Variants in ELMO1 observed in about 807,000 individuals in gnomAD.
ELMO1 encodes the protein engulfment and cell motility protein 1.
Under a neutral mutation model 98.9 loss-of-function variants are expected in ELMO1, and 26 were observed. The observed-to-expected ratio is 0.26, with a 90% CI of 0.19 to 0.36. ELMO1 has a LOEUF of 0.36. Ranked by LOEUF, ELMO1 falls within the 10% of genes least tolerant of loss-of-function variation. The pLI, the probability that ELMO1 is intolerant of heterozygous loss-of-function variation, is 1.00. For synonymous variants in ELMO1, 346 were observed against 346.0 expected, an observed-to-expected ratio of 1.00 and a Z score of 0.00; for missense variants, 627 against 935.2, an observed-to-expected ratio of 0.67 and a Z score of 4.30.
intron 4 of ELMO1, among the ~76,000 whole-genome samples, chr7:37,308,910 G>A (rs1251922233): frequency 6.6e-6 from 1 of 152,128 alleles, no homozygotes; most frequent in African/African-American, 2.4e-5. Context: ...AAATAATTGG[G>A]TAGCAAGACA....
chr7:37,018,029 A>G (rs1329626419), intron 15 of ELMO1, among the ~76,000 whole-genome samples: 2 of 152,202 alleles, frequency 1.3e-5, no homozygotes, highest in Non-Finnish European at 2.9e-5. Context: ...ATATAACTAC[A>G]TAAAGTCCGT....
Position 37,233,089 on chromosome 7 carries a change from C to T in ELMO1, c.549+6G>A. 1 of 1,612,270 alleles carries T rather than the reference C, an allele frequency of 6.2e-7. No individual in the cohort carries two copies. The highest frequency in any genetic ancestry group is 1.1e-5 in the South Asian group (1 of 90,928). On this transcript the variant is annotated splice_donor_region_variant and intron_variant, in intron 8 of 21. Coordinates refer to ENST00000310758, the MANE Select transcript of ELMO1 (RefSeq NM_014800.11). ...GGAAAGCCTAAAGAGGCAGAGTCCA[C>T]CTTACCTTCTTAATGAACGCCACCG...
intron 1 of ELMO1, among the ~76,000 whole-genome samples, chr7:37,391,367 C>T (rs1290447518): frequency 2.0e-5 from 3 of 152,132 alleles, no homozygotes; most frequent in Admixed American, 1.3e-4. Context: ...TCTGCCACCC[C>T]GGCCCCCCGA....
At position 36,853,966 on chromosome 7, in the gene ELMO1, T is replaced by C. The variant is rs1002431939; in HGVS notation, c.*1585A>G. On this transcript the variant is annotated 3_prime_UTR_variant, in exon 22 of 22. Transcript: ENST00000310758. Reference sequence around the variant, plus strand: ...GGTCTGTGGGTATGCATTCTTTTCATTGCTAAATGTGCTCCCTCAAAGTTG... The same window carrying C: ...GGTCTGTGGGTATGCATTCTTTTCACTGCTAAATGTGCTCCCTCAAAGTTG... Among the ~76,000 whole-genome samples the C allele has an allele frequency of 2.6e-5, 4 of 152,228 alleles. No individual in the cohort carries two copies. The highest frequency in any genetic ancestry group is 7.2e-5 in the African/African-American group (3 of 41,460).
intron 16 of ELMO1, among the ~76,000 whole-genome samples, chr7:36,961,870 AT>A (rs1287635183): frequency 1.3e-5 from 2 of 152,214 alleles, no homozygotes; most frequent in African/African-American, 4.8e-5. Flanking sequence ...TGTAAATAGT[AT>A]TGTCCCAGAG....
At chr7:37,339,656 AAAC>A (rs1800612041) in intron 2 of ELMO1, among the ~76,000 whole-genome samples, 1 of 152,172 alleles carries the variant, frequency 6.6e-6, no homozygotes, top group Non-Finnish European at 1.5e-5. Flanking sequence ...TTCAATCAAG[AAAC>A]AACATCTGAC....
At chr7:36,921,061 C>A (rs1785111438) in intron 16 of ELMO1, among the ~76,000 whole-genome samples, 1 of 152,194 alleles carries the variant, frequency 6.6e-6, no homozygotes, top group Admixed American at 6.5e-5. Context: ...TCCCTTCCAC[C>A]ATGTGAGGAC....
At chr7:37,393,104 G>A (rs1385481152) in intron 1 of ELMO1, among the ~76,000 whole-genome samples, 2 of 152,118 alleles carry the variant, frequency 1.3e-5, no homozygotes, top group Non-Finnish European at 2.9e-5. Flanking sequence ...TTGTCCATGA[G>A]GAAAAGTCTA....
intron 13 of ELMO1, among the ~76,000 whole-genome samples, chr7:37,173,276 C>T (rs977008066): frequency 6.6e-6 from 1 of 152,166 alleles, no homozygotes; most frequent in African/African-American, 2.4e-5. Flanking sequence ...CCTAGGACTG[C>T]AGGCCACCTC....
chr7:37,186,425 G>T (rs144597527), intron 13 of ELMO1, among the ~76,000 whole-genome samples: 1 of 151,888 alleles, frequency 6.6e-6, no homozygotes, highest in Non-Finnish European at 1.5e-5. Context: ...GACACCAAAG[G>T]CATAAGCAAT....
At chr7:36,986,217 A>G in intron 16 of ELMO1, 1 of 985,566 alleles carries the variant, frequency 1.0e-6, no homozygotes, top group Non-Finnish European at 1.2e-6. Flanking sequence ...GGGAAAGATC[A>G]GCCAATCAAA....
At chr7:37,126,035 A>C (rs1184743640) in intron 14 of ELMO1, among the ~76,000 whole-genome samples, 2 of 152,114 alleles carry the variant, frequency 1.3e-5, no homozygotes, top group Non-Finnish European at 2.9e-5. Flanking sequence ...TTCTCAGCAA[A>C]CTATTGCAAG....
chr7:37,355,608 G>C (rs1047673304), intron 1 of ELMO1, among the ~76,000 whole-genome samples: 7 of 152,222 alleles, frequency 4.6e-5, no homozygotes, highest in Non-Finnish European at 4.4e-5. Flanking sequence ...GGAAAGTTAG[G>C]GTAAGATTCT....
chr7:37,376,079 A>C, intron 1 of ELMO1: 1 of 357,490 alleles, frequency 2.8e-6, no homozygotes, highest in Non-Finnish European at 5.3e-6. Context: ...AACTTTAAAA[A>C]AATGAACAAA....
intron 13 of ELMO1, among the ~76,000 whole-genome samples, chr7:37,199,674 C>A (rs1792172641): frequency 6.6e-6 from 1 of 152,134 alleles, no homozygotes; most frequent in South Asian, 2.1e-4. Flanking sequence ...TGCCTTGCAG[C>A]AAGAGCAAAA....
intron 1 of ELMO1, among the ~76,000 whole-genome samples, chr7:37,383,296 C>T (rs898057274): frequency 6.6e-6 from 1 of 152,130 alleles, no homozygotes; most frequent in African/African-American, 2.4e-5. Flanking sequence ...CCTTTCATGA[C>T]GCTGACATTT....
At chr7:37,045,654 A>T (rs34616132) in intron 15 of ELMO1, among the ~76,000 whole-genome samples, 5,459 of 152,228 alleles carry the variant, frequency 0.036, 116 homozygotes, top group Middle Eastern at 0.082. Flanking sequence ...TTTTTAAAAA[A>T]ATATATATTT....
chr7:37,376,884 T>C (rs1802371101), intron 1 of ELMO1, among the ~76,000 whole-genome samples: 2 of 152,168 alleles, frequency 1.3e-5, no homozygotes, highest in Admixed American at 1.3e-4. Flanking sequence ...TTATCAGAGA[T>C]TAAAAAGTTG....
intron 1 of ELMO1, among the ~76,000 whole-genome samples, chr7:37,417,943 C>T (rs911880189): frequency 6.6e-6 from 1 of 152,162 alleles, no homozygotes; most frequent in Admixed American, 6.5e-5. Flanking sequence ...AGCCAAGGAC[C>T]ACCTGGGGCC....
Sources: allele counts gnomAD v4.1 joint callset (sites outside exome capture counted in the v4.1 genomes callset), GRCh38; gene constraint gnomAD v4.1.1; transcripts MANE v1.5; gene names NCBI Gene and HGNC (gene_info 2026-07-23, HGNC 2026-07-21).